Variants in PDE1C observed in about 807,000 individuals in gnomAD.
PDE1C encodes the protein dual specificity calcium/calmodulin-dependent 3',5'-cyclic nucleotide phosphodiesterase 1C.
PDE1C carries 62 observed loss-of-function variants against 93.1 expected under a neutral mutation model. That is an observed-to-expected ratio of 0.67 (90% CI 0.54 to 0.82). The LOEUF is 0.82. Ranked by LOEUF, PDE1C falls within the 40% of genes least tolerant of loss-of-function variation. The pLI is 0.00. For synonymous variants in PDE1C, 325 were observed against 310.1 expected (o/e 1.05, Z -0.50); for missense variants, 742 against 884.6 (o/e 0.84, Z 2.04).
At chr7:32,021,028 G>C (rs1241670936) in intron 2 of PDE1C, among the ~76,000 whole-genome samples, 1 of 152,104 alleles carries the variant, frequency 6.6e-6, no homozygotes, top group African/African-American at 2.4e-5. Flanking sequence ...AGCTACATAA[G>C]TGACTTTTAG....
intron 11 of PDE1C, among the ~76,000 whole-genome samples, chr7:31,831,221 A>T (rs2128751993): frequency 6.6e-6 from 1 of 152,324 alleles, no homozygotes; most frequent in Non-Finnish European, 1.5e-5. Flanking sequence ...TGAGAAAGGC[A>T]TTGTGATGTT....
At chr7:31,715,527 C>A in the PDE1C span, among the ~76,000 whole-genome samples, 1 of 152,222 alleles carries the variant, frequency 6.6e-6, no homozygotes, top group Non-Finnish European at 1.5e-5. Flanking sequence ...GTGTGAGCCA[C>A]GGCATCCAGC....
intron 3 of PDE1C, among the ~76,000 whole-genome samples, chr7:32,081,124 G>A (rs928795709): frequency 4.6e-5 from 7 of 152,318 alleles, no homozygotes; most frequent in Admixed American, 3.3e-4. Flanking sequence ...CTCACACGTA[G>A]AGCTATGTGG....
intron 1 of PDE1C, among the ~76,000 whole-genome samples, chr7:32,243,142 TG>T (rs1184017363): frequency 6.6e-6 from 1 of 151,600 alleles, no homozygotes; most frequent in African/African-American, 2.4e-5. Flanking sequence ...GGAGGGAGAG[TG>T]GGTCTTGCCT....
intron 2 of PDE1C, among the ~76,000 whole-genome samples, chr7:31,903,161 C>A (rs1800190167): frequency 6.6e-6 from 1 of 151,586 alleles, no homozygotes; most frequent in African/African-American, 2.4e-5. Context: ...CATTCTATTT[C>A]TAATGAAAAT....
At chr7:32,237,763 CTTT>C (rs58726659) in intron 1 of PDE1C, among the ~76,000 whole-genome samples, 13,132 of 104,666 alleles carry the variant, frequency 0.13, 965 homozygotes, top group Middle Eastern at 0.19. Context: ...TATATATATA[CTTT>C]TTTTTTTTTT....
chr7:32,365,927 A>C (rs1396726427), intron 1 of PDE1C, among the ~76,000 whole-genome samples: 1 of 152,222 alleles, frequency 6.6e-6, no homozygotes, highest in Non-Finnish European at 1.5e-5. Context: ...TCCTATGAAT[A>C]ACTCTTTCAC....
chr7:32,214,816 T>A (rs569477444), intron 1 of PDE1C, among the ~76,000 whole-genome samples: 11 of 152,306 alleles, frequency 7.2e-5, no homozygotes, highest in Admixed American at 4.6e-4. Context: ...TCCTTCAGCA[T>A]ATGTGGATTG....
chr7:31,947,228 G>A (rs780221582), intron 2 of PDE1C, among the ~76,000 whole-genome samples: 7 of 152,058 alleles, frequency 4.6e-5, no homozygotes, highest in African/African-American at 7.2e-5. Context: ...GAATGGATTG[G>A]GTACAAAGAC....
intron 1 of PDE1C, among the ~76,000 whole-genome samples, chr7:32,214,338 T>C (rs11760585): frequency 0.11 from 17,306 of 152,118 alleles, 1,067 homozygotes; most frequent in East Asian, 0.25. Context: ...GAAATGCATC[T>C]CTTACCCCTC....
chr7:32,093,646 C>T (rs1030026945), intron 3 of PDE1C, among the ~76,000 whole-genome samples: 4 of 152,230 alleles, frequency 2.6e-5, no homozygotes, highest in Non-Finnish European at 4.4e-5. Context: ...GGGCTGTTAT[C>T]TTTACATGAC....
In PDE1C at chr7:31,775,721, G is replaced by A. The variant is rs184213182; in HGVS notation, c.1903C>T (p.Arg635Cys). The change falls in exon 17 of 18, where the codon CGT becomes TGT. Residue 635 changes from arginine (R) to cysteine (C), a missense_variant. This residue lies in a region of PDE1C where 454 missense variants were observed against 459.4 expected (regional missense o/e 0.99). Coordinates refer to ENST00000396191, the MANE Select transcript of PDE1C (RefSeq NM_001191057.4). The part of the protein sequence containing the change: ...DSKKTDGTKQ[R>C]SHGSPAPSTS... ...CTTGGGGCTGGTGAGCCGTGAGAAC[G>A]CTGTTTTGTGCCTGTGAAGAGGAAA... 40 of 1,612,710 alleles carry A rather than the reference G, an allele frequency of 2.5e-5. No homozygotes were observed. The East Asian group carries it at 6.5e-4, about 26-fold the overall frequency.
rs71727115 is a variant in PDE1C, at chr7:31,766,383, C to CAAA, written c.1960+9278_1960+9280dup. ...TGGGCGACAGAGCAAGACTGTGTCT[C>CAAA]AAAAAAAAAAAAATCTTTAATATAA... On this transcript the variant is annotated intron_variant, in intron 17 of 17. Transcript: ENST00000396191. Among the ~76,000 whole-genome samples, 552 of 139,700 alleles carry CAAA rather than the reference C, an allele frequency of 4.0e-3. 5 individuals carry two copies. The highest frequency in any genetic ancestry group is 0.014 in the African/African-American group (522 of 36,962). The allele number at this position is 139,700 out of a possible 152,430, so 91.6% of individuals were successfully genotyped here.
intron 9 of PDE1C, among the ~76,000 whole-genome samples, chr7:31,840,187 T>C (rs866207612): frequency 3.2e-4 from 49 of 152,208 alleles, no homozygotes; most frequent in African/African-American, 1.2e-3. Flanking sequence ...TATGTAGTGT[T>C]ATCTCATCTT....
At chr7:31,953,525 G>A (rs1050173047) in intron 2 of PDE1C, among the ~76,000 whole-genome samples, 2 of 152,138 alleles carry the variant, frequency 1.3e-5, no homozygotes, top group Admixed American at 6.5e-5. Flanking sequence ...GAACACCTTC[G>A]CTAGGAAGAC....
At chr7:32,189,612 A>G (rs74657708) in intron 2 of PDE1C, among the ~76,000 whole-genome samples, 5 of 152,292 alleles carry the variant, frequency 3.3e-5, no homozygotes, top group African/African-American at 9.6e-5. Flanking sequence ...GAATTCAGGG[A>G]TATAGTATAT....
chr7:31,770,757 G>A (rs1584000353), intron 17 of PDE1C, among the ~76,000 whole-genome samples: 1 of 152,028 alleles, frequency 6.6e-6, no homozygotes, highest in Non-Finnish European at 1.5e-5. Context: ...TGATCCACCC[G>A]CCTTGGCCTC....
intron 2 of PDE1C, among the ~76,000 whole-genome samples, chr7:32,013,846 G>A (rs957013556): frequency 1.3e-5 from 2 of 152,176 alleles, no homozygotes; most frequent in East Asian, 1.9e-4. Flanking sequence ...TTAGATGGGA[G>A]GAAAGTCTCT....
At chr7:32,189,932 T>A (rs531348449) in intron 2 of PDE1C, among the ~76,000 whole-genome samples, 1 of 152,224 alleles carries the variant, frequency 6.6e-6, no homozygotes, top group Non-Finnish European at 1.5e-5. Context: ...CTTTTGTATC[T>A]ACTTCTAAGA....
Sources: gnomAD v4.1 joint callset for allele counts (sites outside exome capture counted in the v4.1 genomes callset) on GRCh38, gnomAD v4.1.1 for gene constraint, gnomAD v4.1.1 regional missense constraint, MANE v1.5 for transcripts, NCBI Gene and HGNC (gene_info 2026-07-23, HGNC 2026-07-21) for gene names.